ADAM19: variants seen among roughly 807,000 people sequenced by gnomAD.
The protein encoded by ADAM19 is disintegrin and metalloproteinase domain-containing protein 19.
ADAM19 carries 65 observed loss-of-function variants against 114.7 expected under a neutral mutation model. That is an observed-to-expected ratio of 0.57 (90% CI 0.46 to 0.70). The LOEUF (loss-of-function observed/expected upper bound fraction) is 0.70. Among genes scored for constraint, ADAM19 ranks in the 30% least tolerant of loss-of-function variants. The pLI, the probability that ADAM19 is intolerant of heterozygous loss-of-function variation, is 0.00. For missense variants in ADAM19, 1,063 were observed against 1,204.7 expected, an observed-to-expected ratio of 0.88 and a Z score of 1.74; for synonymous variants, 466 against 460.5, an observed-to-expected ratio of 1.01 and a Z score of -0.15.
intron 3 of ADAM19, among the ~76,000 whole-genome samples, chr5:157,540,119 A>G (rs372413827): frequency 3.9e-4 from 60 of 152,392 alleles, no homozygotes; most frequent in African/African-American, 1.4e-3. Context: ...AATGTAGCAG[A>G]CTTAATGCCA....
At chr5:157,569,152 A>T (rs1249699326) in intron 2 of ADAM19, 1 of 152,002 alleles carries the variant, frequency 6.6e-6, no homozygotes, top group East Asian at 1.9e-4. Flanking sequence ...AGCTATTTTC[A>T]GCCTCTCCTA....
rs148462938 is a variant in ADAM19 at position 157,534,089 on chromosome 5, C to T, written c.331-3206G>A. Among the ~76,000 whole-genome samples, 1,278 of 152,252 alleles carry T rather than the reference C, an allele frequency of 8.4e-3. 24 individuals are homozygous for T. The highest frequency in any genetic ancestry group is 0.029 in the African/African-American group (1,210 of 41,534). ...CCCTAGTTCTCTCGAAAATAGAGCA[C>T]CTGGCTTCTGTAGCATGCTTTATAA... On this transcript the variant is annotated intron_variant, in intron 4 of 22. Coordinates refer to ENST00000257527, the MANE Select transcript of ADAM19 (RefSeq NM_033274.5).
At chr5:157,489,358 G>A (rs1008627423) in intron 19 of ADAM19, among the ~76,000 whole-genome samples, 172 bp from the exon 20 acceptor site, 8 of 152,174 alleles carry the variant, frequency 5.3e-5, no homozygotes, top group East Asian at 3.9e-4. Context: ...GTAGAAAAAC[G>A]TGTGGCCAAT....
chr5:157,501,852 C>T (rs777027676), intron 12 of ADAM19, among the ~76,000 whole-genome samples: 10 of 151,822 alleles, frequency 6.6e-5, no homozygotes, highest in Non-Finnish European at 1.5e-4. Context: ...AGTTTGAGAA[C>T]AGCCTGGTCA....
chr5:157,499,808 G>T, intron 12 of ADAM19, 146 bp from the exon 13 acceptor site: 1 of 593,060 alleles, frequency 1.7e-6, no homozygotes, highest in Non-Finnish European at 2.9e-6. Context: ...AGGGAGTCTC[G>T]ATCTGTCACC....
intron 7 of ADAM19, among the ~76,000 whole-genome samples, chr5:157,518,615 C>T (rs1281465066): frequency 6.6e-6 from 1 of 152,232 alleles, no homozygotes; most frequent in African/African-American, 2.4e-5. Flanking sequence ...AACTCCTGAC[C>T]TCAGGTGATC....
intron 2 of ADAM19, chr5:157,567,929 C>T (rs913377418): frequency 6.6e-6 from 1 of 151,966 alleles, no homozygotes; most frequent in Non-Finnish European, 1.5e-5. Flanking sequence ...CAAATCAAAG[C>T]ACTATCTTCC....
chr5:157,490,891 C>A (rs1007748765), intron 18 of ADAM19, among the ~76,000 whole-genome samples: 762 of 109,676 alleles, frequency 6.9e-3, no homozygotes, highest in South Asian at 8.7e-3. Context: ...GACTCCGTCT[C>A]AAAAAAAAAA....
rs145733464 is a variant in ADAM19 at position 157,542,594 on chromosome 5, C to T, written c.252-4603G>A. Among the ~76,000 whole-genome samples the T allele has an allele frequency of 2.1e-3, 319 of 152,284 alleles. 1 individual carries two copies. Among genetic ancestry groups the T allele is most frequent in the Middle Eastern group, 0.01 (3 of 294 alleles). The stretch of plus-strand genomic sequence containing the variant: ...GGGAGGCCGAGGCAGGTGGATCACA[C>T]GAGGCCAGGAGTTCCAGACCAGCCT... On this transcript the variant is annotated intron_variant, in intron 3 of 22. Transcript: ENST00000257527.
chr5:157,537,849 A>C, intron 4 of ADAM19, 64 bp downstream of exon 4: 3 of 1,429,300 alleles, frequency 2.1e-6, no homozygotes, highest in Non-Finnish European at 3.0e-6. Flanking sequence ...GCATCTCCTG[A>C]GGTCCTAGGA....
chr5:157,495,310 T>C (rs1755324089), intron 14 of ADAM19, among the ~76,000 whole-genome samples: 1 of 152,182 alleles, frequency 6.6e-6, no homozygotes, highest in Admixed American at 6.5e-5. Flanking sequence ...CTGTTTTATG[T>C]AAATTCTTCC....
At chr5:157,570,728 C>T in intron 2 of ADAM19, 167 bp downstream of exon 2, 2 of 569,792 alleles carry the variant, frequency 3.5e-6, no homozygotes, top group Non-Finnish European at 6.2e-6. Context: ...GTTTGTCATA[C>T]AAGGAAGGAA....
intron 3 of ADAM19, among the ~76,000 whole-genome samples, chr5:157,563,370 C>T (rs1757564813): frequency 6.6e-6 from 1 of 152,222 alleles, no homozygotes; most frequent in Non-Finnish European, 1.5e-5. Context: ...AGCACTCATC[C>T]TCCTTTGCAA....
chr5:157,535,986 G>C (rs1462200579), intron 4 of ADAM19, among the ~76,000 whole-genome samples: 1 of 152,222 alleles, frequency 6.6e-6, no homozygotes, highest in East Asian at 1.9e-4. Flanking sequence ...GAGAGGAAAA[G>C]TTTTGACCAA....
At chr5:157,574,362 G>A (rs1757912070) in intron 1 of ADAM19, among the ~76,000 whole-genome samples, 1 of 152,174 alleles carries the variant, frequency 6.6e-6, no homozygotes, top group South Asian at 2.1e-4. Context: ...ACTAAGCACT[G>A]ACACAGGCCT....
In ADAM19 at chr5:157,479,239, G is replaced by T. The variant is rs764194964; in HGVS notation, c.*1710C>A. The stretch of plus-strand genomic sequence containing the variant: ...CCCAACCCAGGCTTTTCCCCCAGGG[G>T]TACATCCCGTATTTTCCACTTATTT... On this transcript the variant is annotated 3_prime_UTR_variant, in exon 23 of 23. Transcript: ENST00000257527. The T allele has an allele frequency of 8.1e-6, 8 of 985,832 alleles. No homozygotes were observed. Among genetic ancestry groups the T allele is most frequent in the Non-Finnish European group, 9.6e-6 (8 of 829,968 alleles). 61.1% of individuals were successfully genotyped at this position (985,832 alleles called of 1,614,324 possible).
intron 8 of ADAM19, among the ~76,000 whole-genome samples, chr5:157,510,999 C>A (rs1755902660): frequency 6.6e-6 from 1 of 152,172 alleles, no homozygotes; most frequent in South Asian, 2.1e-4. Flanking sequence ...AACCAGAGAT[C>A]CTGAAATTCT....
chr5:157,481,810 A>G lies in ADAM19; in HGVS notation c.2684T>C (p.Leu895Pro). ...PGAGPQQSRP[L>P]AALAPKFPEY... is the part of the protein sequence containing the mutation. ...ACTCACCTTTGGGGCAAGTGCTGCC[A>G]GAGGCCGGGACTGCTGAGGGCCAGC... Residue 895 changes from leucine (L) to proline (P), a missense_variant, in exon 22 of 23, where the codon CTG (leucine) becomes CCG (proline). Around this residue, in one of 3 missense-constraint regions of ADAM19, gnomAD observed 424 missense variants for 445.5 expected, o/e 0.95. Transcript: ENST00000257527. The G allele has an allele frequency of 6.3e-7, 1 of 1,576,888 alleles. No individual in the cohort carries two copies. The highest frequency in any genetic ancestry group is 1.2e-5 in the South Asian group (1 of 86,284).
chr5:157,505,916 T>A, intron 10 of ADAM19, 108 bp from the exon 11 acceptor site: 1 of 1,285,630 alleles, frequency 7.8e-7, no homozygotes, highest in Non-Finnish European at 1.1e-6. Context: ...CCAATTCCAC[T>A]GTCACTGAGC....
Sources: gnomAD v4.1 joint callset for allele counts (sites outside exome capture counted in the v4.1 genomes callset) on GRCh38, gnomAD v4.1.1 for gene constraint, gnomAD v4.1.1 regional missense constraint, MANE v1.5 for transcripts, NCBI Gene and HGNC (gene_info 2026-07-23, HGNC 2026-07-21) for gene names.